FSTL5: variants seen among roughly 807,000 people sequenced by gnomAD.
FSTL5 encodes follistatin like 5, also known as follistatin-related protein 5.
In FSTL5, 62 loss-of-function variants were observed where a neutral mutation model predicts 89.1. The ratio of observed to expected loss-of-function variants is 0.70; its 90% CI spans 0.57 to 0.86. FSTL5 has a LOEUF of 0.86. Ranked by LOEUF, FSTL5 falls within the 40% of genes least tolerant of loss-of-function variation. FSTL5 has a pLI of 0.00. For synonymous variants in FSTL5, 383 were observed against 346.2 expected, an observed-to-expected ratio of 1.11 and a Z score of -1.18; for missense variants, 1,057 against 1,001.6, an observed-to-expected ratio of 1.06 and a Z score of -0.75.
chr4:161,400,735 A>G (rs1731156195), intron 15 of FSTL5, among the ~76,000 whole-genome samples: 1 of 152,160 alleles, frequency 6.6e-6, no homozygotes, highest in African/African-American at 2.4e-5. Context: ...TTGTAGTACA[A>G]TGACACTAAA....
At chr4:161,391,877 G>C (rs1301329934) in intron 15 of FSTL5, among the ~76,000 whole-genome samples, 1 of 152,128 alleles carries the variant, frequency 6.6e-6, no homozygotes. Flanking sequence ...GGTTAAAGAA[G>C]CTAAAATAAA....
At chr4:161,567,007 C>A (rs72687551) in intron 8 of FSTL5, among the ~76,000 whole-genome samples, 10,563 of 152,038 alleles carry the variant, frequency 0.069, 470 homozygotes, top group Middle Eastern at 0.16. Context: ...TGAATGAAAT[C>A]AAATTTACTA....
intron 4 of FSTL5, among the ~76,000 whole-genome samples, chr4:161,847,616 T>G (rs1324643555): frequency 6.6e-6 from 1 of 152,192 alleles, no homozygotes; most frequent in African/African-American, 2.4e-5. Context: ...TTTGTCTTTT[T>G]TCTCCCTTTC....
chr4:161,873,736 C>A (rs1458526479), intron 4 of FSTL5, among the ~76,000 whole-genome samples: 1 of 151,086 alleles, frequency 6.6e-6, no homozygotes, highest in Non-Finnish European at 1.5e-5. Flanking sequence ...TGCTTCTATT[C>A]ATACTTTCTC....
chr4:161,478,374 TC>T (rs1729370550), intron 13 of FSTL5, among the ~76,000 whole-genome samples: 1 of 152,140 alleles, frequency 6.6e-6, no homozygotes, highest in Admixed American at 6.6e-5. Flanking sequence ...AATCAACCAA[TC>T]AATACATCAC....
intron 4 of FSTL5, among the ~76,000 whole-genome samples, chr4:161,819,177 T>C (rs1242730609): frequency 2.0e-5 from 3 of 152,124 alleles, no homozygotes; most frequent in Non-Finnish European, 2.9e-5. Flanking sequence ...TATATGTTTA[T>C]CTAATAATAA....
chr4:162,157,566 A>G (rs781391214), intron 1 of FSTL5, among the ~76,000 whole-genome samples: 2 of 152,166 alleles, frequency 1.3e-5, no homozygotes, highest in African/African-American at 4.8e-5. Context: ...GGTATACACA[A>G]TCTCGTAAAA....
intron 13 of FSTL5, among the ~76,000 whole-genome samples, chr4:161,461,178 C>T (rs1733557857): frequency 6.6e-6 from 1 of 151,280 alleles, no homozygotes; most frequent in Non-Finnish European, 1.5e-5. Flanking sequence ...AGGAAAAGGC[C>T]GGGTGCGGTG....
chr4:161,386,212 C>G lies in FSTL5; in HGVS notation c.2079G>C (p.Val693=). The G allele has an allele frequency of 6.2e-7, 1 of 1,613,988 alleles. No homozygotes were observed. The highest frequency in any genetic ancestry group is 8.5e-7 in the Non-Finnish European group (1 of 1,179,976). ...TDSVIGFNSD[V]TGTPYVSPDG... ...CTGGAGAGACATATGGAGTGCCCGTCACATCACTATTGAACCCAATGACTG... is the reference window on the plus strand; with the variant it reads ...CTGGAGAGACATATGGAGTGCCCGTGACATCACTATTGAACCCAATGACTG... The change falls in exon 16 of 16, where the codon GTG becomes GTC. Residue 693 remains valine, a synonymous_variant. Transcript: ENST00000306100.
chr4:161,554,669 A>G (rs914710592), intron 8 of FSTL5, among the ~76,000 whole-genome samples: 2 of 151,626 alleles, frequency 1.3e-5, no homozygotes, highest in African/African-American at 4.8e-5. Context: ...CTTTTTCTTG[A>G]TGCTATTATC....
At chr4:161,616,806 T>C (rs984885267) in intron 7 of FSTL5, among the ~76,000 whole-genome samples, 23 of 149,226 alleles carry the variant, frequency 1.5e-4, no homozygotes, top group Non-Finnish European at 8.8e-5. Context: ...CCCTGACACA[T>C]GTTTACCTAT....
chr4:161,700,110 A>G (rs1028676192), intron 6 of FSTL5, among the ~76,000 whole-genome samples: 1 of 152,230 alleles, frequency 6.6e-6, no homozygotes, highest in African/African-American at 2.4e-5. Context: ...GCACATGAGT[A>G]CATATTGCTT....
intron 3 of FSTL5, chr4:162,032,716 T>C (rs1394549920): frequency 6.6e-6 from 1 of 152,190 alleles, no homozygotes; most frequent in Non-Finnish European, 1.5e-5. Flanking sequence ...AGAGAGCCTC[T>C]GAAGTGTAAC....
At chr4:161,776,807 A>G (rs1741428360) in intron 4 of FSTL5, among the ~76,000 whole-genome samples, 1 of 152,042 alleles carries the variant, frequency 6.6e-6, no homozygotes, top group Non-Finnish European at 1.5e-5. Flanking sequence ...ACAATGTGCA[A>G]TGATTAAAAT....
rs537341063 is a variant in FSTL5, at chr4:161,511,185, TAACTA to T, written c.1313-766_1313-762del. The stretch of plus-strand genomic sequence containing the variant: ...TTCTTAAAGCAAAATCATAAAAGTG[TAACTA>T]ATAGAAAATCTCATACACAGCAATT... On this transcript the variant is annotated intron_variant, in intron 10 of 15. Transcript: ENST00000306100. 1.1e-4 allele frequency among the ~76,000 whole-genome samples: 17 copies of T among 152,224 alleles called. No homozygotes were observed. In the South Asian group the frequency reaches 3.5e-3, roughly 32 times the overall value.
At chr4:161,472,260 A>G (rs995532381) in intron 13 of FSTL5, among the ~76,000 whole-genome samples, 4 of 152,156 alleles carry the variant, frequency 2.6e-5, no homozygotes, top group African/African-American at 9.7e-5. Context: ...TGCAGGCGTG[A>G]GCCACCGCAC....
At chr4:162,032,330 C>T (rs1030925918) in intron 3 of FSTL5, among the ~76,000 whole-genome samples, 1 of 152,080 alleles carries the variant, frequency 6.6e-6, no homozygotes, top group Admixed American at 6.6e-5. Flanking sequence ...CATCATACAG[C>T]ACATCTTGAA....
rs76859402 is a variant in FSTL5 at position 162,044,292 on chromosome 4, A to G, written c.127-10634T>C. ...AGCACATCAGTATCCTTGTAAATCT[A>G]TATCAGTGCTTAAGGGATGACCAGG... is the stretch of plus-strand genomic sequence containing the variant. On this transcript the variant is annotated intron_variant, in intron 2 of 15. Transcript: ENST00000306100. 1.0e-2 allele frequency among the ~76,000 whole-genome samples: 1,516 copies of G among 152,314 alleles called. 26 individuals carry two copies. Among genetic ancestry groups the G allele is most frequent in the African/African-American group, 0.034 (1,434 of 41,576 alleles).
At chr4:161,640,833 C>G (rs749240785) in intron 7 of FSTL5, among the ~76,000 whole-genome samples, 1 of 133,758 alleles carries the variant, frequency 7.5e-6, no homozygotes, top group Non-Finnish European at 1.5e-5. Flanking sequence ...AAGATGAACT[C>G]AAAGAGACAC....
Sources: gnomAD v4.1 joint callset for allele counts (sites outside exome capture counted in the v4.1 genomes callset) on GRCh38, gnomAD v4.1.1 for gene constraint, MANE v1.5 for transcripts, NCBI Gene and HGNC (gene_info 2026-07-23, HGNC 2026-07-21) for gene names.